The following TANC1 variants were observed in gnomAD, a reference collection of about 807,000 sequenced individuals.
The protein encoded by TANC1 is tetratricopeptide repeat, ankyrin repeat and coiled-coil containing 1.
In TANC1, 77 loss-of-function variants were observed where a neutral mutation model predicts 149.7. The observed-to-expected ratio is 0.51, with a 90% CI of 0.43 to 0.62. The LOEUF is 0.62. Among genes scored for constraint, TANC1 ranks in the 20% least tolerant of loss-of-function variants. The probability of loss-of-function intolerance (pLI) is 0.00; values close to 1 mark genes in which losing one functional copy is unlikely to be tolerated. For missense variants in TANC1, 1,985 were observed against 2,321.8 expected (o/e 0.85, Z 2.98); for synonymous variants, 854 against 925.0 (o/e 0.92, Z 1.39).
chr2:159,041,890 TGG>T (rs2040669800), intron 2 of TANC1, among the ~76,000 whole-genome samples: 7 of 152,210 alleles, frequency 4.6e-5, no homozygotes, highest in Non-Finnish European at 1.0e-4. Flanking sequence ...GGCTGAAGAC[TGG>T]AGCTGTTCCT....
In TANC1 at chr2:159,227,918, A is replaced by G. The variant is rs1454214023; in HGVS notation, c.4003A>G (p.Arg1335Gly). The change falls in exon 25 of 27, where the codon AGG becomes GGG. Residue 1335 changes from arginine (R) to glycine (G), a missense_variant. Physicochemically the swap from Arg to Gly is moderately radical, Grantham distance 125 (BLOSUM62 -2). Transcript: ENST00000263635. ...GGACATGAGACCCTTCAATGAATTA[A>G]GGGTTTCCCTCTATCTCAATTTGTC... ...GEDMRPFNEL[R>G]VSLYLNLSRC... The G allele has an allele frequency of 1.2e-6, 2 of 1,614,028 alleles. No homozygotes were observed. The highest frequency in any genetic ancestry group is 1.7e-6 in the Non-Finnish European group (2 of 1,180,014).
At chr2:159,228,422 TCCTA>T in intron 25 of TANC1, 1 of 250,798 alleles carries the variant, frequency 4.0e-6, no homozygotes, top group African/African-American at 2.2e-5. Flanking sequence ...CAGTAGTACT[TCCTA>T]CCTTTTTTTT....
intron 2 of TANC1, chr2:159,056,813 G>C (rs547649805): frequency 5.9e-6 from 2 of 341,230 alleles, no homozygotes; most frequent in South Asian, 6.2e-5. Flanking sequence ...GATTAGGAAA[G>C]TCCAGGTCTA....
intron 1 of TANC1, among the ~76,000 whole-genome samples, chr2:158,999,405 A>G (rs1346605455): frequency 6.6e-6 from 1 of 152,164 alleles, no homozygotes; most frequent in Non-Finnish European, 1.5e-5. Flanking sequence ...ATAAATAGCA[A>G]GGGAGGTTTA....
intron 8 of TANC1, 36 bp from the exon 9 acceptor site, chr2:159,169,214 C>T: frequency 6.3e-7 from 1 of 1,587,758 alleles, no homozygotes; most frequent in African/African-American, 1.3e-5. Context: ...TTTAAAGTCA[C>T]CTTTGAAGAT....
chr2:159,225,435 A>C (rs2059964053), intron 23 of TANC1: 2 of 551,060 alleles, frequency 3.6e-6, no homozygotes, highest in Non-Finnish European at 6.5e-6. Flanking sequence ...GGGAGGAATG[A>C]GTTTTCGCTG....
rs2060274693 is a variant in TANC1, at chr2:159,230,374, A to G, written c.4948A>G (p.Thr1650Ala). ...AAPPNQGGLA[T>A]CSDVRHPASL... is the part of the protein sequence containing the mutation. ...CCCTCCAAACCAAGGTGGGCTGGCG[A>G]CCTGCAGCGACGTGCGACACCCAGC... Residue 1650 changes from threonine to alanine, a missense_variant, in exon 27 of 27, where the codon ACC (threonine) becomes GCC (alanine). Coordinates refer to ENST00000263635, the MANE Select transcript of TANC1 (RefSeq NM_033394.3). The surrounding 1 kb of genome is among the most constrained non-coding windows in gnomAD (Gnocchi z 4.4). The G allele has an allele frequency of 6.2e-7, 1 of 1,613,950 alleles. No homozygotes were observed. The highest frequency in any genetic ancestry group is 1.7e-5 in the Admixed American group (1 of 59,998).
intron 16 of TANC1, among the ~76,000 whole-genome samples, chr2:159,190,495 C>T (rs971016960): frequency 6.6e-6 from 1 of 152,114 alleles, no homozygotes; most frequent in Non-Finnish European, 1.5e-5. Flanking sequence ...TGATTCTGTC[C>T]ACGCTGTTAC....
chr2:159,030,231 AG>A (rs1270247160), intron 2 of TANC1, among the ~76,000 whole-genome samples: 2 of 152,170 alleles, frequency 1.3e-5, no homozygotes, highest in African/African-American at 2.4e-5. Context: ...TATAAAGCCA[AG>A]GGGGGAATGT....
chr2:159,081,537 C>T (rs1287076409), intron 3 of TANC1, among the ~76,000 whole-genome samples: 1 of 151,970 alleles, frequency 6.6e-6, no homozygotes, highest in Non-Finnish European at 1.5e-5. Flanking sequence ...GCAGTCATAG[C>T]TTCCCAAATG....
At chr2:159,214,940 C>T (rs1158062461) in intron 19 of TANC1, among the ~76,000 whole-genome samples, 1 of 152,166 alleles carries the variant, frequency 6.6e-6, no homozygotes, top group Non-Finnish European at 1.5e-5. Context: ...GTGGAACATT[C>T]GGAATCAGCC....
chr2:159,100,340 G>A (rs1386829227), intron 4 of TANC1, among the ~76,000 whole-genome samples: 1 of 152,120 alleles, frequency 6.6e-6, no homozygotes, highest in African/African-American at 2.4e-5. Flanking sequence ...ACCCAGAAAG[G>A]TTTCATGGAG....
chr2:159,061,638 A>G (rs2042239733), intron 2 of TANC1, among the ~76,000 whole-genome samples: 1 of 152,180 alleles, frequency 6.6e-6, no homozygotes, highest in Non-Finnish European at 1.5e-5. Flanking sequence ...GTGTCATGCA[A>G]AACTTTGGTT....
At chr2:159,080,232 C>A (rs1267026760) in intron 3 of TANC1, among the ~76,000 whole-genome samples, 1 of 152,216 alleles carries the variant, frequency 6.6e-6, no homozygotes, top group Non-Finnish European at 1.5e-5. Flanking sequence ...TTTTGGGAGA[C>A]AGGGAAAGTG....
chr2:159,163,982 G>T (rs1250824753), intron 8 of TANC1, among the ~76,000 whole-genome samples: 1 of 152,080 alleles, frequency 6.6e-6, no homozygotes, highest in Admixed American at 6.6e-5. Flanking sequence ...AGGCAAGAGG[G>T]CCGAATTTCT....
rs111410377 is a variant in TANC1 at position 159,075,025 on chromosome 2, G to A, written c.61+9054G>A. ...CATCTCCCAAATACTGTCACATTGG[G>A]AGTTAGAGCTTCAACATAGGAATTT... On this transcript the variant is annotated intron_variant, in intron 3 of 26. Transcript: ENST00000263635. Among the ~76,000 whole-genome samples, 1,184 of 152,184 alleles carry A rather than the reference G, an allele frequency of 7.8e-3. 14 individuals are homozygous for A. The highest frequency in any genetic ancestry group is 0.027 in the African/African-American group (1,101 of 41,508).
At chr2:159,031,354 G>A (rs1244256092) in intron 2 of TANC1, among the ~76,000 whole-genome samples, 1 of 152,228 alleles carries the variant, frequency 6.6e-6, no homozygotes, top group Non-Finnish European at 1.5e-5. Context: ...GCCAGGCCTG[G>A]ATGTCCTGAC....
rs28450797 is a variant in TANC1, at chr2:159,129,155, G to A, written c.260-7039G>A. ...AGATCCACTTTAAATGCAATAAGTA[G>A]CCTCAGGTGTTCTGTGTCCCAAATA... On this transcript the variant is annotated intron_variant, in intron 4 of 26. Transcript: ENST00000263635. 6.7e-3 allele frequency among the ~76,000 whole-genome samples: 1,020 copies of A among 152,262 alleles called. 14 individuals carry two copies. The highest frequency in any genetic ancestry group is 0.023 in the African/African-American group (941 of 41,550).
intron 2 of TANC1, chr2:159,056,323 T>C (rs1396125227): frequency 6.3e-6 from 1 of 159,964 alleles, no homozygotes; most frequent in East Asian, 1.9e-4. Flanking sequence ...TATTTATTTT[T>C]TTTTTTGAGA....
Sources: allele counts gnomAD v4.1 joint callset (sites outside exome capture counted in the v4.1 genomes callset), GRCh38; gene constraint gnomAD v4.1.1; non-coding constraint Gnocchi (gnomAD v3.1); transcripts MANE v1.5; gene names NCBI Gene and HGNC (gene_info 2026-07-23, HGNC 2026-07-21).